Variants in MARCHF7 observed in about 807,000 individuals in gnomAD.
MARCHF7 encodes E3 ubiquitin-protein ligase MARCHF7.
In MARCHF7, 20 loss-of-function variants were observed where a neutral mutation model predicts 76.5. The observed-to-expected ratio is 0.26, with a 90% confidence interval of 0.18 to 0.38. The LOEUF is 0.38. Among genes scored for constraint, MARCHF7 ranks in the 10% least tolerant of loss-of-function variants. The pLI is 1.00. For synonymous variants in MARCHF7, 295 were observed against 293.0 expected (o/e 1.01, Z -0.07); for missense variants, 797 against 812.9 (o/e 0.98, Z 0.24).
chr2:159,729,232 C>T (rs941171587), intron 4 of MARCHF7, 57 bp downstream of exon 4: 16 of 1,247,620 alleles, frequency 1.3e-5, no homozygotes, highest in Middle Eastern at 5.9e-4. Context: ...CCTAGGGCCA[C>T]TCTTTTGGGG....
At chr2:159,743,908 T>G (rs1704470718) in intron 5 of MARCHF7, among the ~76,000 whole-genome samples, 1 of 150,212 alleles carries the variant, frequency 6.7e-6, no homozygotes, top group Non-Finnish European at 1.5e-5. Flanking sequence ...ACTCTGTTTC[T>G]TAAACAAAAA....
intron 8 of MARCHF7, among the ~76,000 whole-genome samples, chr2:159,758,636 G>T (rs1706624034): frequency 6.6e-6 from 1 of 152,170 alleles, no homozygotes; most frequent in South Asian, 2.1e-4. Flanking sequence ...TTAGCATAAT[G>T]TTTTTAAAGT....
In MARCHF7 at chr2:159,770,523, C is replaced by A. The variant is rs568235310; in HGVS notation, c.*3181C>A. ...AGTGAGATAGTATATCTATCTATCT[C>A]CCCAGAAGAAAGTAAGATAATTGAT... is the stretch of plus-strand genomic sequence containing the variant. On this transcript the variant is annotated 3_prime_UTR_variant, in exon 12 of 12. Transcript: ENST00000409175. 2 of 152,040 alleles carry A rather than the reference C, an allele frequency of 1.3e-5. No individual in the cohort carries two copies. The highest frequency in any genetic ancestry group is 2.9e-5 in the Non-Finnish European group (2 of 67,976). 9.4% of individuals were successfully genotyped at this position (152,040 alleles called of 1,614,324 possible).
intron 11 of MARCHF7, among the ~76,000 whole-genome samples, chr2:159,765,847 A>T (rs1010202540): frequency 3.3e-5 from 5 of 152,086 alleles, no homozygotes; most frequent in African/African-American, 7.2e-5. Context: ...TTGGTATAAA[A>T]TTTTTTCCCT....
chr2:159,714,521 G>C (rs1700811618), intron 1 of MARCHF7, 36 bp from the exon 2 acceptor site: 1 of 152,184 alleles, frequency 6.6e-6, no homozygotes, highest in South Asian at 2.1e-4. Flanking sequence ...CTTTGATAAA[G>C]AAACTGCAAA....
At chr2:159,745,668 T>A in intron 5 of MARCHF7, 102 bp from the exon 6 acceptor site, 1 of 735,846 alleles carries the variant, frequency 1.4e-6, no homozygotes, top group Non-Finnish European at 2.1e-6. Context: ...ATAATAATAA[T>A]AATAATAAAT....
chr2:159,747,193 C>A (rs1343519022), intron 6 of MARCHF7, among the ~76,000 whole-genome samples: 3 of 152,036 alleles, frequency 2.0e-5, no homozygotes, highest in African/African-American at 7.3e-5. Context: ...TAGTTCCTAG[C>A]CAGTATTTTA....
At chr2:159,726,694 AG>A (rs1324935019) in intron 3 of MARCHF7, among the ~76,000 whole-genome samples, 3 of 152,222 alleles carry the variant, frequency 2.0e-5, no homozygotes, top group African/African-American at 7.2e-5. Flanking sequence ...TGTACAATTC[AG>A]TATTATTGGA....
At chr2:159,723,011 A>G (rs1374486809) in intron 3 of MARCHF7, among the ~76,000 whole-genome samples, 1 of 152,204 alleles carries the variant, frequency 6.6e-6, no homozygotes, top group Non-Finnish European at 1.5e-5. Flanking sequence ...ATAGAACTTA[A>G]TATTGACGTA....
At chr2:159,733,138 T>A in intron 4 of MARCHF7, 5 of 704,050 alleles carry the variant, frequency 7.1e-6, no homozygotes, top group Non-Finnish European at 8.7e-6. Flanking sequence ...TAAGATAATA[T>A]CTGTAGGGTA....
intron 4 of MARCHF7, among the ~76,000 whole-genome samples, chr2:159,734,920 T>G (rs1574288156): frequency 6.6e-6 from 1 of 151,886 alleles, no homozygotes; most frequent in Non-Finnish European, 1.5e-5. Context: ...AGGTTGAGGT[T>G]GCAATGACCC....
chr2:159,727,142 A>C (rs1317949735), intron 3 of MARCHF7, among the ~76,000 whole-genome samples: 1 of 152,242 alleles, frequency 6.6e-6, no homozygotes, highest in Non-Finnish European at 1.5e-5. Flanking sequence ...AAAAGGAAGG[A>C]AATTCTGGCA....
chr2:159,743,324 G>A, intron 5 of MARCHF7, 71 bp downstream of exon 5: 2 of 1,406,876 alleles, frequency 1.4e-6, no homozygotes, highest in East Asian at 2.3e-5. Flanking sequence ...CTTAGTTTTG[G>A]AATGAGGCAA....
At chr2:159,731,230 T>C (rs998668207) in intron 4 of MARCHF7, among the ~76,000 whole-genome samples, 4 of 152,176 alleles carry the variant, frequency 2.6e-5, no homozygotes, top group Non-Finnish European at 2.9e-5. Flanking sequence ...CCAGTTGTTA[T>C]AGTTACATGA....
At chr2:159,756,165 C>A (rs568972350) in intron 8 of MARCHF7, among the ~76,000 whole-genome samples, 1 of 152,244 alleles carries the variant, frequency 6.6e-6, no homozygotes, top group East Asian at 1.9e-4. Flanking sequence ...AAATGAACAA[C>A]AACAACTTGA....
Position 159,742,380 on chromosome 2 carries a change from T to G in MARCHF7, c.154-681T>G, listed in dbSNP as rs1704230717. ...TTTCATGGTAGGGTAATTCACAGTTTCTTTATAGCTTAGTGTTCTGTCTAC... is the reference window on the plus strand; with the variant it reads ...TTTCATGGTAGGGTAATTCACAGTTGCTTTATAGCTTAGTGTTCTGTCTAC... On this transcript the variant is annotated intron_variant, in intron 4 of 11. Transcript: ENST00000409175. Among the ~76,000 whole-genome samples the G allele has an allele frequency of 4.6e-5, 7 of 152,158 alleles. No homozygotes were observed. The South Asian group carries it at 1.5e-3, about 32-fold the overall frequency.
chr2:159,715,420 T>G (rs1276107235), intron 2 of MARCHF7, among the ~76,000 whole-genome samples: 1 of 152,134 alleles, frequency 6.6e-6, no homozygotes, highest in Non-Finnish European at 1.5e-5. Flanking sequence ...TTTTTTAGGC[T>G]GCTGCAGCCG....
chr2:159,748,974 T>G, intron 7 of MARCHF7, 71 bp downstream of exon 7: 1 of 857,408 alleles, frequency 1.2e-6, no homozygotes, highest in Non-Finnish European at 1.5e-6. Flanking sequence ...CTTTTTTTTC[T>G]TTTCTTTTTT....
chr2:159,715,961 A>AG (rs1700988367), intron 3 of MARCHF7, among the ~76,000 whole-genome samples, 195 bp downstream of exon 3: 1 of 152,226 alleles, frequency 6.6e-6, no homozygotes, highest in South Asian at 2.1e-4. Context: ...CTTGATGCTT[A>AG]GAGATTAAAT....
Sources: gnomAD v4.1 joint callset for allele counts (sites outside exome capture counted in the v4.1 genomes callset) on GRCh38, gnomAD v4.1.1 for gene constraint, MANE v1.5 for transcripts, NCBI Gene and HGNC (gene_info 2026-07-23, HGNC 2026-07-21) for gene names.